The following RCBTB2 variants were observed in gnomAD, a reference collection of about 807,000 sequenced individuals.
RCBTB2 encodes the protein RCC1 and BTB domain containing protein 2.
Under a neutral mutation model 65.4 loss-of-function variants are expected in RCBTB2, and 55 were observed. That is an observed-to-expected ratio of 0.84 (90% CI 0.68 to 1.05). The LOEUF is 1.05. Among genes scored for constraint, RCBTB2 ranks in the 50% least tolerant of loss-of-function variants. The probability of loss-of-function intolerance (pLI) is 0.00; values close to 1 mark genes in which losing one functional copy is unlikely to be tolerated. For missense variants in RCBTB2, 599 were observed against 680.1 expected, an observed-to-expected ratio of 0.88 and a Z score of 1.33; for synonymous variants, 220 against 255.2, an observed-to-expected ratio of 0.86 and a Z score of 1.31.
At chr13:48,506,052 G>T (rs1007363694) in intron 10 of RCBTB2, among the ~76,000 whole-genome samples, 4 of 152,228 alleles carry the variant, frequency 2.6e-5, no homozygotes, top group Admixed American at 1.3e-4. Context: ...ATACCTGGGG[G>T]CTCCTCAGGG....
chr13:48,524,932 C>T (rs1951626557), intron 1 of RCBTB2, among the ~76,000 whole-genome samples, 175 bp from the exon 2 acceptor site: 1 of 152,008 alleles, frequency 6.6e-6, no homozygotes, highest in African/African-American at 2.4e-5. Flanking sequence ...TATAAAAATA[C>T]TAAAGTTATA....
At chr13:48,533,946 A>G (rs1463391269), upstream of RCBTB2, among the ~76,000 whole-genome samples, 1 of 152,078 alleles carries the variant, frequency 6.6e-6, no homozygotes, top group East Asian at 1.9e-4. Flanking sequence ...TAGTAAAGCC[A>G]AAGAGAAAAA....
chr13:48,508,926 C>T (rs1261716090), intron 10 of RCBTB2, among the ~76,000 whole-genome samples: 1 of 152,180 alleles, frequency 6.6e-6, no homozygotes, highest in Non-Finnish European at 1.5e-5. Context: ...CATTCTGGAT[C>T]AGGGACCAGC....
At chr13:48,525,822 A>T (rs1459938705) in intron 1 of RCBTB2, among the ~76,000 whole-genome samples, 1 of 152,232 alleles carries the variant, frequency 6.6e-6, no homozygotes, top group African/African-American at 2.4e-5. Flanking sequence ...TAAGTCACAA[A>T]ATGATACATA....
chr13:48,532,928 G>C (rs901624743), intron 1 of RCBTB2, 100 bp downstream of exon 1: 1 of 450,642 alleles, frequency 2.2e-6, no homozygotes, highest in Non-Finnish European at 4.5e-6. Context: ...TCGGGCCGCA[G>C]GGGCGGGGAG....
rs1348959451 is a variant in RCBTB2, at chr13:48,515,239, A to G, written c.315T>C (p.Tyr105=). 6.2e-7 allele frequency: 1 copy of G among 1,614,162 alleles called. No homozygotes were observed. Among genetic ancestry groups the G allele is most frequent in the African/African-American group, 1.3e-5 (1 of 75,034 alleles). ...LNGKKIACLS[Y]GSGPHIVLAT... is the part of the protein sequence containing the mutation. ...CAAGGACAATATGTGGACCACTCCC[A>G]TAGCTGAGGCAGGCTATTTTTTTGC... The change falls in exon 6 of 15, where the codon TAT becomes TAC. Residue 105 remains tyrosine (Y), a synonymous_variant. Transcript: ENST00000344532.
Position 48,515,658 on chromosome 13 carries a change from T to C in RCBTB2, c.126A>G (p.Leu42=), listed in dbSNP as rs753723897. The change falls in exon 5 of 15, where the codon CTA becomes CTG. Residue 42 remains leucine (L), a synonymous_variant. Coordinates refer to ENST00000344532, the MANE Select transcript of RCBTB2 (RefSeq NM_001268.4). ...AGACACAAGCCTGACGAATTAACTG[T>C]AGTTCTTCTTCAGAACAAAGGGAAA... ...PIFSLCSEEE[L]QLIRQACVFG... 4.3e-6 allele frequency: 7 copies of C among 1,614,036 alleles called. No homozygotes were observed. Among genetic ancestry groups the C allele is most frequent in the South Asian group, 1.1e-5 (1 of 91,082 alleles).
chr13:48,513,732 A>T (rs1201835703), intron 6 of RCBTB2, among the ~76,000 whole-genome samples: 1 of 152,196 alleles, frequency 6.6e-6, no homozygotes, highest in Non-Finnish European at 1.5e-5. Context: ...CAAATAATAA[A>T]TACAGCTGTC....
chr13:48,503,389 G>T (rs1950336691), intron 10 of RCBTB2, among the ~76,000 whole-genome samples: 1 of 152,054 alleles, frequency 6.6e-6, no homozygotes, highest in African/African-American at 2.4e-5. Flanking sequence ...GAATGCTATG[G>T]GTCATTCCAA....
At chr13:48,497,236 A>T (rs988046582) in intron 13 of RCBTB2, among the ~76,000 whole-genome samples, 2 of 152,038 alleles carry the variant, frequency 1.3e-5, no homozygotes, top group African/African-American at 4.8e-5. Flanking sequence ...TGACTTCCAA[A>T]TGTTTGAGTG....
intron 1 of RCBTB2, among the ~76,000 whole-genome samples, chr13:48,527,339 T>TATATC (rs1555310652): frequency 8.5e-6 from 1 of 118,074 alleles, no homozygotes; most frequent in African/African-American, 6.1e-5. Context: ...ATATATATGA[T>TATATC]ATATATATAT....
intron 1 of RCBTB2, among the ~76,000 whole-genome samples, chr13:48,530,186 C>T (rs1168038637): frequency 6.6e-6 from 1 of 152,108 alleles, no homozygotes; most frequent in East Asian, 1.9e-4. Flanking sequence ...ACAGGTGAGC[C>T]ACCGCGCCCG....
chr13:48,497,774 A>G (rs1051567385), intron 13 of RCBTB2, among the ~76,000 whole-genome samples: 4 of 152,206 alleles, frequency 2.6e-5, no homozygotes, highest in Non-Finnish European at 1.5e-5. Flanking sequence ...CTTTTTTAAT[A>G]ACAAATATTA....
chr13:48,518,571 A>C (rs1049283670), intron 4 of RCBTB2, among the ~76,000 whole-genome samples: 2 of 150,742 alleles, frequency 1.3e-5, no homozygotes, highest in Admixed American at 1.3e-4. Context: ...GAATTCAAAA[A>C]AAAATCTCAC....
chr13:48,528,226 C>T (rs1316262612), intron 1 of RCBTB2, among the ~76,000 whole-genome samples: 3 of 152,106 alleles, frequency 2.0e-5, no homozygotes, highest in Non-Finnish European at 4.4e-5. Flanking sequence ...TAAATGCTGA[C>T]ATTTTGCAGT....
At chr13:48,513,207 A>T (rs1302431491) in intron 6 of RCBTB2, among the ~76,000 whole-genome samples, 16 of 152,226 alleles carry the variant, frequency 1.1e-4, no homozygotes. Context: ...AAATATTAGA[A>T]GGCCACTTAA....
intron 2 of RCBTB2, among the ~76,000 whole-genome samples, chr13:48,524,010 C>A (rs1265620588): frequency 1.3e-5 from 2 of 151,984 alleles, no homozygotes; most frequent in African/African-American, 4.8e-5. Context: ...ATTTGTCAAT[C>A]AGAAAGTCCT....
chr13:48,518,443 T>C (rs1467305691), intron 4 of RCBTB2, among the ~76,000 whole-genome samples: 1 of 137,038 alleles, frequency 7.3e-6, no homozygotes, highest in African/African-American at 2.9e-5. Context: ...TTTACTTTAA[T>C]TACAGAGTAC....
chr13:48,532,635 G>C, intron 1 of RCBTB2: 1 of 237,696 alleles, frequency 4.2e-6, no homozygotes, highest in South Asian at 3.9e-5. Flanking sequence ...TGATCACCCT[G>C]GAACGACGCC....
Sources: allele counts gnomAD v4.1 joint callset (sites outside exome capture counted in the v4.1 genomes callset), GRCh38; gene constraint gnomAD v4.1.1; transcripts MANE v1.5; gene names NCBI Gene and HGNC (gene_info 2026-07-23, HGNC 2026-07-21).